Variants in VAV2 observed in about 807,000 individuals in gnomAD.
VAV2 encodes the protein vav guanine nucleotide exchange factor 2, also known as guanine nucleotide exchange factor VAV2.
In VAV2, 67 loss-of-function variants were observed where a neutral mutation model predicts 132.5. The ratio of observed to expected loss-of-function variants is 0.51; its 90% CI spans 0.42 to 0.62. The LOEUF is 0.62. VAV2 is among the 20% of genes least tolerant of loss of function. The pLI, the probability that VAV2 is intolerant of heterozygous loss-of-function variation, is 0.00. For synonymous variants in VAV2, 492 were observed against 443.5 expected, an observed-to-expected ratio of 1.11 and a Z score of -1.37; for missense variants, 938 against 1,153.6, an observed-to-expected ratio of 0.81 and a Z score of 2.71.
chr9:133,812,339 G>A (rs370215388), intron 4 of VAV2, 123 bp from the exon 5 acceptor site: 8 of 870,492 alleles, frequency 9.2e-6, no homozygotes, highest in Admixed American at 4.1e-5. Flanking sequence ...TCACCTGCCC[G>A]GGCCTCAGTC....
chr9:133,982,270 C>T (rs896394449), intron 1 of VAV2, among the ~76,000 whole-genome samples: 6 of 99,880 alleles, frequency 6.0e-5, no homozygotes, highest in African/African-American at 1.6e-4. Flanking sequence ...GGGCGACGGC[C>T]GGCCGGCAGG....
rs1837419141 is a variant in VAV2, at chr9:133,857,245, C to T, written c.380+4129G>A. Among the ~76,000 whole-genome samples the T allele has an allele frequency of 6.6e-6, 1 of 152,224 alleles. No homozygotes were observed. The highest frequency in any genetic ancestry group is 1.5e-5 in the Non-Finnish European group (1 of 68,032). On this transcript the variant is annotated intron_variant, in intron 3 of 29. Transcript: ENST00000371850. The surrounding 1 kb of genome is among the most constrained non-coding windows in gnomAD (Gnocchi z 4.0). ...CTAGCTCTGGCCACAGCAAGACCCA[C>T]ATCCCCACACGCCTCGCTGGGTGCC...
At position 133,840,178 on chromosome 9, in the gene VAV2, C is replaced by T. The variant is rs571746713; in HGVS notation, c.381-5838G>A. Among the ~76,000 whole-genome samples, 131 of 152,346 alleles carry T rather than the reference C, an allele frequency of 8.6e-4. No homozygotes were observed. Among genetic ancestry groups the T allele is most frequent in the Non-Finnish European group, 1.6e-3 (106 of 68,018 alleles). ...AGCAGTCATCCTGGCTCCCCAGGGGCGGCTGCATCCCTCTCCTCCCACCAG... is the reference window on the plus strand; with the variant it reads ...AGCAGTCATCCTGGCTCCCCAGGGGTGGCTGCATCCCTCTCCTCCCACCAG... On this transcript the variant is annotated intron_variant, in intron 3 of 29. Coordinates refer to ENST00000371850, the MANE Select transcript of VAV2 (RefSeq NM_001134398.2). The surrounding 1 kb of genome is among the most constrained non-coding windows in gnomAD (Gnocchi z 4.5).
chr9:133,990,011 G>A (rs1842967624), intron 1 of VAV2, among the ~76,000 whole-genome samples: 1 of 152,222 alleles, frequency 6.6e-6, no homozygotes, highest in Non-Finnish European at 1.5e-5. Flanking sequence ...TGTGCCTTCT[G>A]TGCCTGCCCT....
At position 133,840,228 on chromosome 9, in the gene VAV2, C is replaced by T. The variant is rs950800199; in HGVS notation, c.381-5888G>A. Among the ~76,000 whole-genome samples the T allele has an allele frequency of 2.0e-5, 3 of 152,206 alleles. No individual in the cohort carries two copies. Among genetic ancestry groups the T allele is most frequent in the African/African-American group, 7.2e-5 (3 of 41,440 alleles). ...GAGCCTTCCTGAGCATGCATTTCCT[C>T]GTGCCCGGCTTCGGGAAGCAGAGTT... On this transcript the variant is annotated intron_variant, in intron 3 of 29. Transcript: ENST00000371850. The surrounding 1 kb of genome is among the most constrained non-coding windows in gnomAD (Gnocchi z 4.5).
chr9:133,773,598 C>T (rs1217569790), intron 25 of VAV2, among the ~76,000 whole-genome samples: 2 of 130,894 alleles, frequency 1.5e-5, no homozygotes, highest in Non-Finnish European at 3.6e-5. Context: ...CACAGCTGTA[C>T]AAAGATATTT....
chr9:133,909,650 A>T (rs1839805226), intron 2 of VAV2, among the ~76,000 whole-genome samples: 1 of 60,456 alleles, frequency 1.7e-5, no homozygotes, highest in South Asian at 8.8e-4. Flanking sequence ...GAGCTTGCAG[A>T]CTAGATGGTC....
At chr9:133,851,285 C>A (rs1837157084) in intron 3 of VAV2, among the ~76,000 whole-genome samples, 1 of 152,176 alleles carries the variant, frequency 6.6e-6, no homozygotes, top group Non-Finnish European at 1.5e-5. Flanking sequence ...AGAGGAGGAA[C>A]CTGAGGCACA....
intron 3 of VAV2, among the ~76,000 whole-genome samples, chr9:133,838,989 T>G (rs1836606418): frequency 7.5e-6 from 1 of 132,580 alleles, no homozygotes; most frequent in Non-Finnish European, 1.6e-5. Context: ...GATGAATGGA[T>G]GGATGGGTGG....
rs146189630 is a variant in VAV2, at chr9:133,989,931, G to C, written c.204+2144C>G. On this transcript the variant is annotated intron_variant, in intron 1 of 29. Coordinates refer to ENST00000371850, the MANE Select transcript of VAV2 (RefSeq NM_001134398.2). ...GACAGAGGAGTGGATGGCAAGATCA[G>C]CCTCAGCGACACAGGGCACTACGTG... is the stretch of plus-strand genomic sequence containing the variant. Among the ~76,000 whole-genome samples the C allele has an allele frequency of 3.6e-3, 553 of 152,358 alleles. 5 individuals are homozygous for C. Among genetic ancestry groups the C allele is most frequent in the African/African-American group, 0.013 (535 of 41,580 alleles).
In VAV2 at chr9:133,919,863, G is replaced by A. The variant is rs755758184; in HGVS notation, c.321+19240C>T. On this transcript the variant is annotated intron_variant, in intron 2 of 29. Coordinates refer to ENST00000371850, the MANE Select transcript of VAV2 (RefSeq NM_001134398.2). The surrounding 1 kb of genome is among the most constrained non-coding windows in gnomAD (Gnocchi z 5.8). The stretch of plus-strand genomic sequence containing the variant: ...CCCCTGCCTCACCCACCACCCAACC[G>A]CATGTCCTCCGCGGAGCCCAGAGTC... Among the ~76,000 whole-genome samples the A allele has an allele frequency of 2.7e-4, 41 of 152,172 alleles. No individual in the cohort carries two copies. The highest frequency in any genetic ancestry group is 5.0e-4 in the Non-Finnish European group (34 of 67,998).
At chr9:133,864,213 C>T (rs1175326935) in intron 2 of VAV2, among the ~76,000 whole-genome samples, 1 of 151,744 alleles carries the variant, frequency 6.6e-6, no homozygotes, top group East Asian at 1.9e-4. Context: ...CTCCCGCAGA[C>T]AGCCGCGGGG....
In VAV2 at chr9:133,969,782, C is replaced by A. The variant is rs557080824; in HGVS notation, c.204+22293G>T. Among the ~76,000 whole-genome samples, 1 of 152,124 alleles carries A rather than the reference C, an allele frequency of 6.6e-6. No individual in the cohort carries two copies. Among genetic ancestry groups the A allele is most frequent in the Admixed American group, 6.5e-5 (1 of 15,286 alleles). Reference sequence around the variant, plus strand: ...CTCTCCATTCCCACTTCTCTCCCCACCCCCCAGCCTGGACACCCCCATCTG... The same window carrying A: ...CTCTCCATTCCCACTTCTCTCCCCAACCCCCAGCCTGGACACCCCCATCTG... On this transcript the variant is annotated intron_variant, in intron 1 of 29. Coordinates refer to ENST00000371850, the MANE Select transcript of VAV2 (RefSeq NM_001134398.2). This position sits in a 1 kb window ranked among gnomAD's most constrained non-coding sequence, Gnocchi z 5.1.
intron 5 of VAV2, among the ~76,000 whole-genome samples, chr9:133,811,165 C>A (rs1241572411): frequency 1.3e-5 from 2 of 152,164 alleles, no homozygotes; most frequent in African/African-American, 4.8e-5. Context: ...TGGCGGGGAA[C>A]AAAACTCAGT....
chr9:133,799,880 C>T (rs917253462), intron 9 of VAV2, among the ~76,000 whole-genome samples: 6 of 152,128 alleles, frequency 3.9e-5, no homozygotes, highest in Non-Finnish European at 5.9e-5. Flanking sequence ...CGAAAGTGAG[C>T]GGACAAGACA....
rs954014127 is a variant in VAV2, at chr9:133,788,751, C to G, written c.1275-265G>C. 6.6e-6 allele frequency among the ~76,000 whole-genome samples: 1 copy of G among 152,138 alleles called. No homozygotes were observed. Among genetic ancestry groups the G allele is most frequent in the Non-Finnish European group, 1.5e-5 (1 of 68,024 alleles). ...CTTCAAGGGGCTCCTGCATCCCCCA[C>G]GCTGGCCTCCCATGCAGCACTGACC... On this transcript the variant is annotated intron_variant, in intron 14 of 29. Coordinates refer to ENST00000371850, the MANE Select transcript of VAV2 (RefSeq NM_001134398.2). This position sits in a 1 kb window ranked among gnomAD's most constrained non-coding sequence, Gnocchi z 5.3.
chr9:133,946,119 G>A (rs950445777), intron 1 of VAV2, among the ~76,000 whole-genome samples: 4 of 152,244 alleles, frequency 2.6e-5, no homozygotes, highest in African/African-American at 9.6e-5. Context: ...CTGAGGAGCA[G>A]CCACAGTGCA....
In VAV2 at chr9:133,771,968, G is replaced by A. The variant is rs1833642446; in HGVS notation, c.2214C>T (p.Asp738=). ...WIHITEAKKF[D]SLLELVEYYQ... ...GCCAGAAGTCACCTACCAGGAGGCT[G>A]TCGAATTTCTTGGCCTCTGTGATGT... is the stretch of plus-strand genomic sequence containing the variant. Residue 738 remains aspartate (D), a synonymous_variant, in exon 26 of 30, where the codon GAC becomes GAT. Coordinates refer to ENST00000371850, the MANE Select transcript of VAV2 (RefSeq NM_001134398.2). 1.3e-6 allele frequency: 2 copies of A among 1,593,044 alleles called. No individual in the cohort carries two copies. Among genetic ancestry groups the A allele is most frequent in the African/African-American group, 2.8e-5 (2 of 71,968 alleles).
At chr9:133,850,104 G>A (rs925799396) in intron 3 of VAV2, among the ~76,000 whole-genome samples, 1 of 152,180 alleles carries the variant, frequency 6.6e-6, no homozygotes, top group Non-Finnish European at 1.5e-5. Context: ...CACTGGTTGG[G>A]TCCCTCACCA....
Sources: allele counts gnomAD v4.1 joint callset (sites outside exome capture counted in the v4.1 genomes callset), GRCh38; gene constraint gnomAD v4.1.1; non-coding constraint Gnocchi (gnomAD v3.1); transcripts MANE v1.5; gene names NCBI Gene and HGNC (gene_info 2026-07-23, HGNC 2026-07-21).